Variants in IL34 observed in about 807,000 individuals in gnomAD.
The protein encoded by IL34 is interleukin-34.
IL34 carries 17 observed loss-of-function variants against 25.3 expected under a neutral mutation model. That is an observed-to-expected ratio of 0.67 (90% confidence interval 0.46 to 1.01). The LOEUF (loss-of-function observed/expected upper bound fraction) is 1.01, where lower values mean the gene tolerates loss of function less well. Ranked by LOEUF, IL34 falls within the 50% of genes least tolerant of loss-of-function variation. The pLI is 0.00. For synonymous variants in IL34, 174 were observed against 140.9 expected, an observed-to-expected ratio of 1.23 and a Z score of -1.66; for missense variants, 368 against 312.9, an observed-to-expected ratio of 1.18 and a Z score of -1.33.
At chr16:70,597,790 C>A (rs4082236) in intron 1 of IL34, among the ~76,000 whole-genome samples, 1 of 152,060 alleles carries the variant, frequency 6.6e-6, no homozygotes, top group African/African-American at 2.4e-5. Flanking sequence ...ATAGCTGTCC[C>A]TCTCCAGAAT....
intron 1 of IL34, among the ~76,000 whole-genome samples, chr16:70,615,160 C>T (rs1448281835): frequency 6.6e-6 from 1 of 152,142 alleles, no homozygotes; most frequent in Non-Finnish European, 1.5e-5. Flanking sequence ...TTTTACTACC[C>T]TGACAAAAAG....
At chr16:70,582,277 T>C (rs1446451217) in intron 1 of IL34, among the ~76,000 whole-genome samples, 1 of 152,242 alleles carries the variant, frequency 6.6e-6, no homozygotes. Flanking sequence ...TGTTGTCACA[T>C]CTGGATGCCA....
chr16:70,616,252 G>A (rs756631274), intron 1 of IL34, among the ~76,000 whole-genome samples: 2 of 152,210 alleles, frequency 1.3e-5, no homozygotes, highest in African/African-American at 2.4e-5. Context: ...TGATTTGAGA[G>A]ATATTGCCAA....
In IL34 at chr16:70,621,262, A is replaced by AT. The variant is rs2051275876; in HGVS notation, c.-400-25284dup. 5.9e-5 allele frequency among the ~76,000 whole-genome samples: 9 copies of AT among 152,240 alleles called. 1 individual carries two copies. The highest frequency in any genetic ancestry group is 2.2e-4 in the African/African-American group (9 of 41,528). The stretch of plus-strand genomic sequence containing the variant: ...TAATCAGAGAGGCGTCCCTGCAATG[A>AT]TTAAACACCAAGGGAAGGCTGCCTT... On this transcript the variant is annotated intron_variant, in intron 1 of 6. Coordinates refer to the IL34 transcript ENST00000429149.
At chr16:70,595,702 G>A (rs1337745059) in intron 1 of IL34, among the ~76,000 whole-genome samples, 1 of 151,990 alleles carries the variant, frequency 6.6e-6, no homozygotes, top group Non-Finnish European at 1.5e-5. Flanking sequence ...ATTTGTCTTA[G>A]TCTGTTTGGG....
chr16:70,651,955 C>G (rs1373491145), intron 1 of IL34, among the ~76,000 whole-genome samples: 1 of 151,710 alleles, frequency 6.6e-6, no homozygotes, highest in Admixed American at 6.6e-5. Flanking sequence ...GAAACCCCGT[C>G]TGTACTAAAA....
At chr16:70,582,307 A>C (rs1415554587) in intron 1 of IL34, among the ~76,000 whole-genome samples, 1 of 152,118 alleles carries the variant, frequency 6.6e-6, no homozygotes, top group African/African-American at 2.4e-5. Flanking sequence ...TCTGTCAGCC[A>C]CCCTCCTCGA....
intron 1 of IL34, among the ~76,000 whole-genome samples, 192 bp downstream of exon 1, chr16:70,647,167 G>A (rs958664145): frequency 5.9e-5 from 9 of 152,248 alleles, no homozygotes; most frequent in South Asian, 2.1e-4. Flanking sequence ...GGGCTCCGAC[G>A]GGCAAGCTGG....
intron 1 of IL34, among the ~76,000 whole-genome samples, chr16:70,586,024 G>C (rs1428856476): frequency 6.6e-6 from 1 of 151,834 alleles, no homozygotes; most frequent in African/African-American, 2.4e-5. Flanking sequence ...AGTAGAGACA[G>C]TGTTTTACCA....
At chr16:70,644,973 AGAAAG>A, upstream of IL34, among the ~76,000 whole-genome samples, 1 of 128,520 alleles carries the variant, frequency 7.8e-6, no homozygotes, top group African/African-American at 3.4e-5. Flanking sequence ...AAGGAGGAAG[AGAAAG>A]GGAGTAGGAG....
intron 1 of IL34, among the ~76,000 whole-genome samples, chr16:70,629,269 T>G (rs1271214995): frequency 6.6e-6 from 1 of 152,236 alleles, no homozygotes; most frequent in African/African-American, 2.4e-5. Context: ...GCTTCTTTCT[T>G]TAGTGGGAAT....
chr16:70,584,866 A>T (rs1286417312), intron 1 of IL34, among the ~76,000 whole-genome samples: 1 of 151,816 alleles, frequency 6.6e-6, no homozygotes, highest in East Asian at 1.9e-4. Flanking sequence ...ACGCCCGGCT[A>T]ATTTTTGTAT....
At chr16:70,625,995 C>G (rs1331654711) in intron 1 of IL34, among the ~76,000 whole-genome samples, 2 of 152,206 alleles carry the variant, frequency 1.3e-5, no homozygotes, top group Non-Finnish European at 2.9e-5. Flanking sequence ...GTCCCCCGAT[C>G]CGAGTCACGG....
intron 4 of IL34, 38 bp downstream of exon 4, chr16:70,657,159 G>T (rs1462814448): frequency 6.3e-7 from 1 of 1,596,740 alleles, no homozygotes; most frequent in East Asian, 2.2e-5. Flanking sequence ...GGGTGTGTGT[G>T]TGTGCACACG....
At chr16:70,643,443 T>C (rs1275822872), upstream of IL34, among the ~76,000 whole-genome samples, 1 of 152,214 alleles carries the variant, frequency 6.6e-6, no homozygotes, top group Admixed American at 6.5e-5. Context: ...TGATCATGGT[T>C]CACTGCAGCC....
At chr16:70,598,114 G>T (rs1251684411) in intron 1 of IL34, among the ~76,000 whole-genome samples, 1 of 152,090 alleles carries the variant, frequency 6.6e-6, no homozygotes, top group Admixed American at 6.6e-5. Context: ...CCAAAGTGCT[G>T]GTATTACAGG....
chr16:70,581,547 T>C (rs1056711011), intron 1 of IL34, among the ~76,000 whole-genome samples: 1 of 152,104 alleles, frequency 6.6e-6, no homozygotes, highest in Non-Finnish European at 1.5e-5. Context: ...AGCTCACTCA[T>C]GAGAATTACG....
intron 1 of IL34, among the ~76,000 whole-genome samples, chr16:70,649,436 T>C (rs2052024027): frequency 6.6e-6 from 1 of 152,208 alleles, no homozygotes; most frequent in African/African-American, 2.4e-5. Flanking sequence ...TAAACTGACA[T>C]GGCACACTGC....
At chr16:70,640,660 T>C (rs2051760440) in intron 1 of IL34, among the ~76,000 whole-genome samples, 1 of 151,690 alleles carries the variant, frequency 6.6e-6, no homozygotes, top group Non-Finnish European at 1.5e-5. Context: ...TTTAAATATA[T>C]ATATTTCAAT....
Sources: gnomAD v4.1 joint callset for allele counts (sites outside exome capture counted in the v4.1 genomes callset) on GRCh38, gnomAD v4.1.1 for gene constraint, MANE v1.5 for transcripts, NCBI Gene and HGNC (gene_info 2026-07-23, HGNC 2026-07-21) for gene names.